The following FCRL2 variants were observed in gnomAD, a reference collection of about 807,000 sequenced individuals.
FCRL2 encodes Fc receptor like 2, also known as Fc receptor-like protein 2.
A neutral mutation model predicts 59.8 loss-of-function variants in FCRL2; 48 were observed. That is an observed-to-expected ratio of 0.80 (90% CI 0.64 to 1.02). The LOEUF is 1.02. Among genes scored for constraint, FCRL2 ranks in the 50% least tolerant of loss-of-function variants. The pLI, the probability that FCRL2 is intolerant of heterozygous loss-of-function variation, is 0.00. For synonymous variants in FCRL2, 251 were observed against 229.5 expected (o/e 1.09, Z -0.85); for missense variants, 658 against 597.3 (o/e 1.10, Z -1.06).
At chr1:157,765,697 T>C (rs1027890530) in intron 7 of FCRL2, among the ~76,000 whole-genome samples, 3 of 152,156 alleles carry the variant, frequency 2.0e-5, no homozygotes, top group African/African-American at 7.2e-5. Context: ...ACTCTTGGTG[T>C]TATATGTGGA....
intron 2 of FCRL2, 117 bp downstream of exon 2, chr1:157,775,658 G>A (rs1192519215): frequency 9.1e-7 from 1 of 1,095,756 alleles, no homozygotes; most frequent in African/African-American, 1.6e-5. Flanking sequence ...TCAGCCTAGA[G>A]GGCAGTAATA....
chr1:157,774,363 A>G (rs1650250218), intron 2 of FCRL2: 3 of 451,336 alleles, frequency 6.6e-6, no homozygotes, highest in Admixed American at 4.8e-5. Flanking sequence ...CATAGCAGGT[A>G]TATAGCAAAG....
intron 7 of FCRL2, among the ~76,000 whole-genome samples, chr1:157,757,407 A>T (rs1323930575): frequency 6.6e-6 from 1 of 152,226 alleles, no homozygotes. Context: ...TGAAGGGTAC[A>T]GCAAACAACC....
At chr1:157,768,740 A>C in intron 4 of FCRL2, 39 bp from the exon 5 acceptor site, 1 of 1,542,184 alleles carries the variant, frequency 6.5e-7, no homozygotes, top group Non-Finnish European at 8.7e-7. Flanking sequence ...ACTCTAAGGG[A>C]AACTCTGGGA....
At chr1:157,749,501 AT>A (rs1164582380) in intron 8 of FCRL2, 148 bp downstream of exon 8, 1 of 554,664 alleles carries the variant, frequency 1.8e-6, no homozygotes, top group African/African-American at 1.9e-5. Flanking sequence ...CAGAAATGTA[AT>A]GCAGTAGAGA....
intron 7 of FCRL2, among the ~76,000 whole-genome samples, chr1:157,751,049 G>C (rs1033243133): frequency 6.6e-6 from 1 of 152,050 alleles, no homozygotes; most frequent in African/African-American, 2.4e-5. Context: ...CAAGTCTTAA[G>C]CAACTGAATA....
At position 157,770,621 on chromosome 1, in the gene FCRL2, C is replaced by T; in HGVS notation, c.98G>A (p.Ser33Asn). 3 of 1,614,156 alleles carry T rather than the reference C, an allele frequency of 1.9e-6. No individual in the cohort carries two copies. The highest frequency in any genetic ancestry group is 2.5e-6 in the Non-Finnish European group (3 of 1,180,012). Residue 33 changes from serine to asparagine, a missense_variant, in exon 3 of 12, where the codon AGC becomes AAC. Transcript: ENST00000361516. ...TTCTCCCTGGCATTTCAGAACGATG[C>T]TGTCTCCTTCGAAGACAGAAGAGGG... is the stretch of plus-strand genomic sequence containing the variant. ...VAPSSVFEGDSIVLKCQGEQN... is the reference protein window; with the variant it reads ...VAPSSVFEGDNIVLKCQGEQN...
At chr1:157,768,279 G>T in intron 5 of FCRL2, 135 bp downstream of exon 5, 1 of 820,374 alleles carries the variant, frequency 1.2e-6, no homozygotes, top group Non-Finnish European at 1.9e-6. Flanking sequence ...ACCTGCAAGC[G>T]TAACCCATTT....
At chr1:157,760,735 G>GAAAGAAAGAAAGAAAGAAAGAAAGAAAT (rs1557860535) in intron 7 of FCRL2, among the ~76,000 whole-genome samples, 15 of 145,880 alleles carry the variant, frequency 1.0e-4, no homozygotes, top group African/African-American at 3.9e-4. Flanking sequence ...AAGAAAGAAA[G>GAAAGAAAGAAAGAAAGAAAGAAAGAAAT]AAAGAAAGAA....
At chr1:157,767,132 T>C in intron 6 of FCRL2, 99 bp downstream of exon 6, 1 of 1,443,350 alleles carries the variant, frequency 6.9e-7, no homozygotes, top group Non-Finnish European at 9.4e-7. Flanking sequence ...CACTGGACAC[T>C]GAGATCACCT....
rs1274053023 is a variant in FCRL2 at position 157,748,540 on chromosome 1, T to C, written c.1459+13A>G. The C allele has an allele frequency of 4.3e-6, 7 of 1,610,670 alleles. No homozygotes were observed. Among genetic ancestry groups the C allele is most frequent in the African/African-American group, 1.3e-5 (1 of 74,830 alleles). On this transcript the variant is annotated intron_variant, in intron 10 of 11. Transcript: ENST00000361516. Reference sequence around the variant, plus strand: ...AATATGCATCTGACAAGAACTACTTTGCAGTTTCTCACCTGAGCTTTCTGG... The same window carrying C: ...AATATGCATCTGACAAGAACTACTTCGCAGTTTCTCACCTGAGCTTTCTGG...
At chr1:157,762,717 A>G (rs1649195071) in intron 7 of FCRL2, among the ~76,000 whole-genome samples, 1 of 146,972 alleles carries the variant, frequency 6.8e-6, no homozygotes, top group Non-Finnish European at 1.5e-5. Context: ...AGTCACCTAT[A>G]AAGAAAAACA....
chr1:157,767,680 C>A, intron 5 of FCRL2, 171 bp from the exon 6 acceptor site: 1 of 1,577,324 alleles, frequency 6.3e-7, no homozygotes, highest in Non-Finnish European at 8.6e-7. Flanking sequence ...TATATTTAGA[C>A]GTTTGAGGGG....
At chr1:157,760,883 C>T (rs916411615) in intron 7 of FCRL2, among the ~76,000 whole-genome samples, 28 of 152,046 alleles carry the variant, frequency 1.8e-4, no homozygotes, top group Non-Finnish European at 4.4e-5. Context: ...TATCTGTACA[C>T]CAAACCTGCA....
rs1183711273 is a variant in FCRL2 at position 157,746,960 on chromosome 1, A to G, written c.1460-61T>C. The G allele has an allele frequency of 1.9e-6, 3 of 1,547,652 alleles. No individual in the cohort carries two copies. The African/African-American group carries it at 4.1e-5, about 21-fold the overall frequency. On this transcript the variant is annotated intron_variant, in intron 10 of 11. Transcript: ENST00000361516. Reference sequence around the variant, plus strand: ...ATTCTTAATTAGGCCTCACTCCCAGACTTTATGCCCCAGGGCATAGAACTA... The same window carrying G: ...ATTCTTAATTAGGCCTCACTCCCAGGCTTTATGCCCCAGGGCATAGAACTA...
chr1:157,748,764 G>A, intron 9 of FCRL2, 111 bp downstream of exon 9: 2 of 1,178,798 alleles, frequency 1.7e-6, no homozygotes, highest in Non-Finnish European at 1.3e-6. Context: ...ATTGGGAATG[G>A]CTGGGCCTCT....
intron 9 of FCRL2, 47 bp from the exon 10 acceptor site, chr1:157,748,665 C>A: frequency 6.6e-7 from 1 of 1,517,978 alleles, no homozygotes; most frequent in East Asian, 2.3e-5. Flanking sequence ...GCCCAGGGTT[C>A]ACACTTCATA....
Position 157,760,683 on chromosome 1 carries a change from GAAAGAAAGAAA to G in FCRL2, c.1279+6161_1279+6171del, listed in dbSNP as rs1557860292. 2.3e-3 allele frequency among the ~76,000 whole-genome samples: 278 copies of G among 122,428 alleles called. 1 individual carries two copies. Among genetic ancestry groups the G allele is most frequent in the African/African-American group, 0.011 (266 of 24,154 alleles). 80.3% of individuals were successfully genotyped at this position (122,428 alleles called of 152,430 possible). On this transcript the variant is annotated intron_variant, in intron 7 of 11. Coordinates refer to ENST00000361516, the MANE Select transcript of FCRL2 (RefSeq NM_030764.4). ...GGAAGGAAGGAAGGAAGGAAGGAAA[GAAAGAAAGAAA>G]GAAGGAAAGAAAGAAAGAAAGAAAG...
chr1:157,752,357 G>T (rs1366779153), intron 7 of FCRL2, among the ~76,000 whole-genome samples: 2 of 152,170 alleles, frequency 1.3e-5, no homozygotes, highest in East Asian at 3.8e-4. Context: ...TTTGCCTGCC[G>T]CCATCCACAT....
Sources: gnomAD v4.1 joint callset for allele counts (sites outside exome capture counted in the v4.1 genomes callset) on GRCh38, gnomAD v4.1.1 for gene constraint, MANE v1.5 for transcripts, NCBI Gene and HGNC (gene_info 2026-07-23, HGNC 2026-07-21) for gene names.